DENND2B: variants seen among roughly 807,000 people sequenced by gnomAD.
The protein encoded by DENND2B is DENN domain-containing protein 2B.
DENND2B carries 32 observed loss-of-function variants against 116.0 expected under a neutral mutation model. That is an observed-to-expected ratio of 0.28 (90% confidence interval 0.21 to 0.37). The LOEUF (loss-of-function observed/expected upper bound fraction) is 0.37. Ranked by LOEUF, DENND2B falls within the 10% of genes least tolerant of loss-of-function variation. The pLI, the probability that DENND2B is intolerant of heterozygous loss-of-function variation, is 1.00. For missense variants in DENND2B, 1,276 were observed against 1,477.7 expected (o/e 0.86, Z 2.24); for synonymous variants, 588 against 583.9 (o/e 1.01, Z -0.10).
intron 1 of DENND2B, among the ~76,000 whole-genome samples, chr11:8,798,976 G>C (rs957048990): frequency 1.3e-5 from 2 of 151,702 alleles, no homozygotes; most frequent in Admixed American, 1.3e-4. Context: ...TACAGGCACC[G>C]GCCACCACAC....
At chr11:8,790,409 G>A (rs1269415870) in intron 1 of DENND2B, among the ~76,000 whole-genome samples, 5 of 152,094 alleles carry the variant, frequency 3.3e-5, no homozygotes, top group Admixed American at 2.0e-4. Flanking sequence ...GTCCTGCAGG[G>A]GCCTAACGAA....
rs561675897 is a variant in DENND2B, at chr11:8,746,943, G to A, written c.80+3678C>T. 4.6e-5 allele frequency among the ~76,000 whole-genome samples: 7 copies of A among 152,260 alleles called. 1 individual carries two copies. The highest frequency in any genetic ancestry group is 4.6e-4 in the Admixed American group (7 of 15,288). On this transcript the variant is annotated intron_variant, in intron 2 of 19. Transcript: ENST00000313726. Reference sequence around the variant, plus strand: ...TTTCTGTGCCTCAGTTTCCCAATCTGTAAATCAAATGGGTTGGACTGAATG... The same window carrying A: ...TTTCTGTGCCTCAGTTTCCCAATCTATAAATCAAATGGGTTGGACTGAATG...
chr11:8,729,274 T>C (rs536590805), intron 3 of DENND2B, among the ~76,000 whole-genome samples: 4 of 152,290 alleles, frequency 2.6e-5, no homozygotes, highest in East Asian at 1.9e-4. Context: ...CCAATTCCAA[T>C]AGCTCCAGCT....
chr11:8,895,272 A>C (rs965525122), intron 1 of DENND2B, among the ~76,000 whole-genome samples: 10 of 152,192 alleles, frequency 6.6e-5, no homozygotes, highest in African/African-American at 2.4e-4. Context: ...TGGGAGGGAT[A>C]GCATTAGGAG....
intron 3 of DENND2B, among the ~76,000 whole-genome samples, chr11:8,728,075 C>T (rs2047433995): frequency 6.6e-6 from 1 of 151,990 alleles, no homozygotes; most frequent in African/African-American, 2.4e-5. Context: ...TGTGATCATA[C>T]TCGCTGTACC....
At chr11:8,857,669 C>A (rs1238149865) in intron 2 of DENND2B, among the ~76,000 whole-genome samples, 1 of 152,188 alleles carries the variant, frequency 6.6e-6, no homozygotes, top group Non-Finnish European at 1.5e-5. Flanking sequence ...CCTGGTTACT[C>A]CCCAACCCCC....
In DENND2B at chr11:8,843,304, G is replaced by A. The variant is rs933589591; in HGVS notation, c.-155-3954C>T. ...ATTACAGGCGCGAGCCACCGTGCCC[G>A]GCCGGAGTCACTCGTCTTAATAACA... On this transcript the variant is annotated intron_variant, in intron 3 of 6. Transcript: ENST00000524757. 6.6e-5 allele frequency among the ~76,000 whole-genome samples: 10 copies of A among 152,178 alleles called. No individual in the cohort carries two copies. In the South Asian group the frequency reaches 8.3e-4, roughly 13 times the overall value.
intron 5 of DENND2B, among the ~76,000 whole-genome samples, chr11:8,717,472 A>T (rs1405028100): frequency 6.6e-6 from 1 of 152,230 alleles, no homozygotes; most frequent in Non-Finnish European, 1.5e-5. Flanking sequence ...GAAGGGAAAG[A>T]AGATAGGACA....
intron 1 of DENND2B, chr11:8,808,881 C>T (rs1266636733): frequency 6.8e-6 from 1 of 147,714 alleles, no homozygotes; most frequent in Non-Finnish European, 1.5e-5. Flanking sequence ...AGTCTAGCAA[C>T]CCAAATCCAT....
intron 3 of DENND2B, among the ~76,000 whole-genome samples, chr11:8,848,420 C>T (rs1013966578): frequency 3.3e-5 from 5 of 151,716 alleles, no homozygotes; most frequent in Non-Finnish European, 7.4e-5. Flanking sequence ...TTGTCAAAAA[C>T]ACATTATTAA....
chr11:8,796,154 G>A (rs528897604), intron 1 of DENND2B, among the ~76,000 whole-genome samples: 1 of 152,134 alleles, frequency 6.6e-6, no homozygotes, highest in South Asian at 2.1e-4. Flanking sequence ...TGAACACCAA[G>A]GAATGAGAGT....
chr11:8,850,677 A>G (rs1029363194), intron 3 of DENND2B, among the ~76,000 whole-genome samples: 3 of 152,268 alleles, frequency 2.0e-5, no homozygotes, highest in Non-Finnish European at 4.4e-5. Flanking sequence ...TACTGAGCAT[A>G]TATCCAAAGG....
intron 4 of DENND2B, among the ~76,000 whole-genome samples, chr11:8,720,067 C>A (rs1422838526): frequency 6.6e-6 from 1 of 152,096 alleles, no homozygotes; most frequent in Non-Finnish European, 1.5e-5. Flanking sequence ...TGTCTCCAGA[C>A]ACTGCCAGAT....
chr11:8,732,747 T>C (rs1215028209), intron 2 of DENND2B, among the ~76,000 whole-genome samples: 4 of 152,278 alleles, frequency 2.6e-5, no homozygotes, highest in African/African-American at 9.6e-5. Flanking sequence ...TTCAGAATTC[T>C]TTCCAAACAG....
At chr11:8,907,970 G>C (rs2064260564) in intron 1 of DENND2B, among the ~76,000 whole-genome samples, 1 of 152,134 alleles carries the variant, frequency 6.6e-6, no homozygotes, top group Non-Finnish European at 1.5e-5. Context: ...CTGAACTTCT[G>C]GGATTACAGG....
chr11:8,819,377 T>C (rs983320953), intron 4 of DENND2B, among the ~76,000 whole-genome samples: 1 of 151,984 alleles, frequency 6.6e-6, no homozygotes, highest in African/African-American at 2.4e-5. Flanking sequence ...ACAGCCTGGG[T>C]GACAGAGTGA....
At chr11:8,773,861 C>A (rs775020617) in intron 1 of DENND2B, among the ~76,000 whole-genome samples, 1 of 152,130 alleles carries the variant, frequency 6.6e-6, no homozygotes, top group African/African-American at 2.4e-5. Context: ...ACTATCTTTG[C>A]AACTGTTCTG....
intron 1 of DENND2B, among the ~76,000 whole-genome samples, chr11:8,801,994 GGAAAAAAA>G (rs1329012675): frequency 8.3e-6 from 1 of 121,118 alleles, no homozygotes; most frequent in Non-Finnish European, 1.7e-5. Flanking sequence ...CCTCTCTTGG[GGAAAAAAA>G]AAAAAAAAAA....
rs952721032 is a variant in DENND2B at position 8,712,917 on chromosome 11, C to T, written c.1988-182G>A. Among the ~76,000 whole-genome samples the T allele has an allele frequency of 2.0e-5, 3 of 152,178 alleles. No individual in the cohort carries two copies. The highest frequency in any genetic ancestry group is 2.1e-4 in the South Asian group (1 of 4,834). ...CAAGGTGCTGACCCCTGCACAAAGA[C>T]TCTGCCCTGACACAGGAAGCTGCGG... On this transcript the variant is annotated intron_variant, in intron 8 of 19. Transcript: ENST00000313726. The surrounding 1 kb of genome is among the most constrained non-coding windows in gnomAD (Gnocchi z 4.4).
Sources: allele counts gnomAD v4.1 joint callset (sites outside exome capture counted in the v4.1 genomes callset), GRCh38; gene constraint gnomAD v4.1.1; non-coding constraint Gnocchi (gnomAD v3.1); transcripts MANE v1.5; gene names NCBI Gene and HGNC (gene_info 2026-07-23, HGNC 2026-07-21).